Variants in ALG13 observed in about 807,000 individuals in gnomAD.
ALG13 encodes UDP-N-acetylglucosamine transferase subunit ALG13.
A neutral mutation model predicts 87.8 loss-of-function variants in ALG13; 11 were observed. That is an observed-to-expected ratio of 0.13 (90% CI 0.08 to 0.21). ALG13 has a LOEUF of 0.21. Among genes scored for constraint, ALG13 ranks in the 10% least tolerant of loss-of-function variants. The pLI, the probability that ALG13 is intolerant of heterozygous loss-of-function variation, is 1.00. For synonymous variants in ALG13, 320 were observed against 306.3 expected (o/e 1.04, Z -0.47); for missense variants, 756 against 866.1 (o/e 0.87, Z 1.60).
chrX:111,751,383 G>A (rs1944734913), intron 24 of ALG13, among the ~76,000 whole-genome samples: 1 of 111,912 alleles, frequency 8.9e-6, no homozygotes, highest in Non-Finnish European at 1.9e-5. Flanking sequence ...ATAACGCCCA[G>A]TACATAAGCA....
At chrX:111,716,368 G>T (rs1940596534) in intron 8 of ALG13, among the ~76,000 whole-genome samples, 1 of 111,882 alleles carries the variant, frequency 8.9e-6, no homozygotes, top group Admixed American at 9.5e-5. Flanking sequence ...CTTGAATAGA[G>T]AAATTATATA....
chrX:111,736,808 G>A lies in ALG13; in HGVS notation c.2624G>A (p.Ser875Asn), dbSNP rs757522953. 18 of 1,210,419 alleles carry A rather than the reference G, an allele frequency of 1.5e-5. No homozygotes were observed. Among genetic ancestry groups the A allele is most frequent in the Non-Finnish European group, 2.0e-5 (18 of 894,640 alleles). The stretch of plus-strand genomic sequence containing the variant: ...GGTGCAGCGGCTAATCAAGCTATTA[G>A]TACCACTTCAGTTTCCTCACAGAAT... ...SNGAAANQAI[S>N]TTSVSSQNAI... The change falls in exon 23 of 27, where the codon AGT becomes AAT. Residue 875 changes from serine to asparagine, a missense_variant. Transcript: ENST00000394780.
intron 11 of ALG13, among the ~76,000 whole-genome samples, chrX:111,720,756 A>G (rs1941303534): frequency 9.0e-6 from 1 of 111,537 alleles, no homozygotes; most frequent in African/African-American, 3.3e-5. Flanking sequence ...ACAGGATTTG[A>G]CCATAATGAA....
intron 23 of ALG13, among the ~76,000 whole-genome samples, chrX:111,738,699 G>A (rs1304914186): frequency 9.1e-6 from 1 of 110,375 alleles, no homozygotes; most frequent in Non-Finnish European, 1.9e-5. Flanking sequence ...CACCACACTC[G>A]GCTAATTACT....
intron 25 of ALG13, among the ~76,000 whole-genome samples, chrX:111,755,463 C>T (rs1261182590): frequency 4.5e-5 from 5 of 112,034 alleles, no homozygotes; most frequent in African/African-American, 1.3e-4. Context: ...AGAGCTTCTG[C>T]ACAGAAAAAG....
At chrX:111,706,308 C>T (rs183244846) in intron 3 of ALG13, among the ~76,000 whole-genome samples, 3 of 112,752 alleles carry the variant, frequency 2.7e-5, no homozygotes, top group South Asian at 3.6e-4. Flanking sequence ...GGATCACAGG[C>T]GTGAGCCATT....
chrX:111,686,108 A>G, intron 3 of ALG13: 2 of 1,038,589 alleles, frequency 1.9e-6, no homozygotes, highest in Non-Finnish European at 2.5e-6. Flanking sequence ...TAGAAGGATG[A>G]AGAAAATTAC....
intron 1 of ALG13, chrX:111,681,581 TCTCCGCCTCCGCGTC>T: frequency 4.2e-6 from 4 of 950,179 alleles, no homozygotes; most frequent in Non-Finnish European, 5.3e-6. Context: ...CGCGCTCTAT[TCTCCGCCTCCGCGTC>T]CTCCGCCCCT....
rs1450895267 is a variant in ALG13, at chrX:111,760,373, C to G, written c.*374C>G. Reference sequence around the variant, plus strand: ...ATTAAACCATGCAGAATTGGAGTAACTTCCACTTTTTTCTAGAAAGTAAAA... The same window carrying G: ...ATTAAACCATGCAGAATTGGAGTAAGTTCCACTTTTTTCTAGAAAGTAAAA... On this transcript the variant is annotated 3_prime_UTR_variant, in exon 27 of 27. Transcript: ENST00000394780. The G allele has an allele frequency of 5.5e-5, 7 of 127,777 alleles. No individual in the cohort carries two copies. The highest frequency in any genetic ancestry group is 1.1e-4 in the Non-Finnish European group (7 of 63,915). The allele number at this position is 127,777 out of a possible 1,213,427, so 10.5% of individuals were successfully genotyped here. A position where few individuals can be genotyped will look rare whatever the true frequency, so the allele number is the denominator to read the frequency against.
chrX:111,730,382 CT>C lies in ALG13; in HGVS notation c.2369-7del. The C allele has an allele frequency of 8.3e-7, 1 of 1,208,128 alleles. No homozygotes were observed. The highest frequency in any genetic ancestry group is 1.1e-6 in the Non-Finnish European group (1 of 892,677). ...TATAAACACATTTCTTCTGTCTTGT[CT>C]TTTTTCCCCAGGGCGATATCATGAA... is the stretch of plus-strand genomic sequence containing the variant. On this transcript the variant is annotated splice_polypyrimidine_tract_variant and intron_variant, in intron 19 of 26. Transcript: ENST00000394780.
Position 111,744,857 on chromosome X carries a change from C to T in ALG13, c.2885C>T (p.Pro962Leu). 8.3e-7 allele frequency: 1 copy of T among 1,207,670 alleles called. No homozygotes were observed. The highest frequency in any genetic ancestry group is 1.1e-6 in the Non-Finnish European group (1 of 894,027). The change falls in exon 24 of 27, where the codon CCA becomes CTA. Residue 962 changes from proline to leucine, a missense_variant. By Grantham distance (98) the Pro-to-Leu change is moderately conservative. Coordinates refer to ENST00000394780, the MANE Select transcript of ALG13 (RefSeq NM_001099922.3). ...TSNLQPPPPL[P>L]PPPYSCDPSG... ...AACTTACAACCACCACCACCACTAC[C>T]ACCTCCACCTTATTCCTGTGATCCA... is the stretch of plus-strand genomic sequence containing the variant.
chrX:111,701,458 A>G (rs1349229230), intron 3 of ALG13, among the ~76,000 whole-genome samples: 1 of 111,357 alleles, frequency 9.0e-6, no homozygotes, highest in Non-Finnish European at 1.9e-5. Flanking sequence ...GAACTCATCC[A>G]TTTCTTCTAG....
At chrX:111,748,173 A>G (rs1259167746) in intron 24 of ALG13, among the ~76,000 whole-genome samples, 1 of 112,353 alleles carries the variant, frequency 8.9e-6, no homozygotes, top group Non-Finnish European at 1.9e-5. Context: ...AGTTCTTTGT[A>G]TATTTTGGGT....
At chrX:111,721,154 TCTTC>T (rs1941375240) in intron 11 of ALG13, among the ~76,000 whole-genome samples, 1 of 33,751 alleles carries the variant, frequency 3.0e-5, no homozygotes, top group Admixed American at 3.6e-4. Flanking sequence ...GAAACTTAAT[TCTTC>T]CTTCTTCATA....
At chrX:111,707,826 C>T (rs1233765874) in intron 3 of ALG13, among the ~76,000 whole-genome samples, 2 of 111,980 alleles carry the variant, frequency 1.8e-5, no homozygotes, top group African/African-American at 6.5e-5. Context: ...AGTTAAGCTG[C>T]AAAGTCAGTT....
intron 3 of ALG13, chrX:111,688,930 A>G: frequency 1.3e-6 from 1 of 746,171 alleles, no homozygotes; most frequent in South Asian, 6.8e-5. Flanking sequence ...TACAATGTTT[A>G]GATATAGTTT....
At chrX:111,698,620 T>G (rs951736821) in intron 3 of ALG13, among the ~76,000 whole-genome samples, 1 of 112,089 alleles carries the variant, frequency 8.9e-6, no homozygotes, top group Non-Finnish European at 1.9e-5. Context: ...TCTTTGTCTT[T>G]CTGTGCCTGG....
At chrX:111,706,756 C>G (rs1457216960) in intron 3 of ALG13, 2 of 110,435 alleles carry the variant, frequency 1.8e-5, no homozygotes, top group East Asian at 5.7e-4. Flanking sequence ...CAGAGTGAGA[C>G]ACTTTAAAAA....
chrX:111,681,767 C>T, intron 1 of ALG13: 1 of 827,742 alleles, frequency 1.2e-6, no homozygotes, highest in East Asian at 9.1e-5. Flanking sequence ...GGAGCCCGCG[C>T]GGTTCCTCTC....
Sources: allele counts gnomAD v4.1 joint callset (sites outside exome capture counted in the v4.1 genomes callset), GRCh38; gene constraint gnomAD v4.1.1; transcripts MANE v1.5; gene names NCBI Gene and HGNC (gene_info 2026-07-23, HGNC 2026-07-21).